Variants in RNF40 observed in about 807,000 individuals in gnomAD.
The protein encoded by RNF40 is E3 ubiquitin-protein ligase BRE1B.
In RNF40, 39 loss-of-function variants were observed where a neutral mutation model predicts 123.3. The observed-to-expected ratio is 0.32, with a 90% CI of 0.24 to 0.41. RNF40 has a LOEUF of 0.41. Ranked by LOEUF, RNF40 falls within the 10% of genes least tolerant of loss-of-function variation. The probability of loss-of-function intolerance (pLI) is 1.00; values close to 1 mark genes in which losing one functional copy is unlikely to be tolerated. For synonymous variants in RNF40, 538 were observed against 526.0 expected, an observed-to-expected ratio of 1.02 and a Z score of -0.31; for missense variants, 1,003 against 1,319.9, an observed-to-expected ratio of 0.76 and a Z score of 3.72.
In RNF40 at chr16:30,772,102, G is replaced by A. The variant is rs1391084928; in HGVS notation, c.2741G>A (p.Arg914Gln). The A allele has an allele frequency of 1.2e-5, 19 of 1,560,482 alleles. No individual in the cohort carries two copies. Among genetic ancestry groups the A allele is most frequent in the Non-Finnish European group, 1.5e-5 (17 of 1,152,196 alleles). ...CTCCTGCCCCAGGAGGACATCTCAC[G>A]GCTGCGGCGCAAGCTGGAAAAGCAG... The part of the protein sequence containing the change: ...NLKRAQEDIS[R>Q]LRRKLEKQRK... The change falls in exon 19 of 20, where the codon CGG (arginine) becomes CAG (glutamine). Residue 914 changes from arginine to glutamine, a missense_variant. Coordinates refer to ENST00000324685, the MANE Select transcript of RNF40 (RefSeq NM_014771.4).
In RNF40 at chr16:30,776,243, C is replaced by T. The variant is rs1348218526; in HGVS notation, c.*2129C>T. ...TCTGCGCTAAAGGCCACCCGGTCTC[C>T]TTATCAGAGGGGCAAAACTCTCCTC... On this transcript the variant is annotated 3_prime_UTR_variant, in exon 20 of 20. Transcript: ENST00000324685. 6.6e-6 allele frequency: 1 copy of T among 152,124 alleles called. No individual in the cohort carries two copies. Among genetic ancestry groups the T allele is most frequent in the Non-Finnish European group, 1.5e-5 (1 of 68,034 alleles). 9.4% of individuals were successfully genotyped at this position (152,124 alleles called of 1,614,324 possible). A position where few individuals can be genotyped will look rare whatever the true frequency, so the allele number is the denominator to read the frequency against.
intron 8 of RNF40, among the ~76,000 whole-genome samples, chr16:30,765,707 A>G (rs1015053172): frequency 6.6e-6 from 1 of 152,248 alleles, no homozygotes; most frequent in African/African-American, 2.4e-5. Context: ...AACAAAATAG[A>G]GGTCAAAACT....
At chr16:30,764,659 G>A (rs1397003943) in intron 5 of RNF40, among the ~76,000 whole-genome samples, 8 of 152,150 alleles carry the variant, frequency 5.3e-5, no homozygotes, top group East Asian at 3.9e-4. Context: ...TGTGGGTTGC[G>A]GATCCACAAG....
At chr16:30,773,886 G>C in intron 19 of RNF40, 52 bp from the exon 20 acceptor site, 1 of 1,565,552 alleles carries the variant, frequency 6.4e-7, no homozygotes, top group Non-Finnish European at 8.7e-7. Context: ...GTCAGCTTGG[G>C]GTCTGGGCAC....
rs897850895 is a variant in RNF40 at position 30,771,845 on chromosome 16, G to T, written c.2599G>T (p.Ala867Ser). ...ELNKRKAVEA[A>S]QLAEDLKVQL... Reference sequence around the variant, plus strand: ...CCACCCTACTCAGGCTGTAGAAGCCGCCCAGCTGGCCGAGGACCTGAAGGT... The same window carrying T: ...CCACCCTACTCAGGCTGTAGAAGCCTCCCAGCTGGCCGAGGACCTGAAGGT... Residue 867 changes from alanine to serine, a missense_variant, in exon 18 of 20, where the codon GCC (alanine) becomes TCC (serine). By Grantham distance (99) the Ala-to-Ser change is moderately conservative. Around this residue, in one of 11 missense-constraint regions of RNF40, gnomAD observed 121 missense variants for 125.3 expected, o/e 0.97. Coordinates refer to ENST00000324685, the MANE Select transcript of RNF40 (RefSeq NM_014771.4). The T allele has an allele frequency of 1.3e-6, 2 of 1,585,094 alleles. No individual in the cohort carries two copies. The highest frequency in any genetic ancestry group is 1.2e-5 in the South Asian group (1 of 86,796).
In RNF40 at chr16:30,768,965, G is replaced by A. The variant is rs758836306; in HGVS notation, c.2225G>A (p.Arg742His). The A allele has an allele frequency of 6.8e-6, 11 of 1,613,852 alleles. No individual in the cohort carries two copies. In the East Asian group the frequency reaches 2.2e-4, roughly 33 times the overall value. The change falls in exon 15 of 20, where the codon CGC becomes CAC. Residue 742 changes from arginine to histidine, a missense_variant. Around this residue, in one of 11 missense-constraint regions of RNF40, gnomAD observed 295 missense variants for 331.7 expected, o/e 0.89. Coordinates refer to ENST00000324685, the MANE Select transcript of RNF40 (RefSeq NM_014771.4). This position sits in a 1 kb window ranked among gnomAD's most constrained non-coding sequence, Gnocchi z 4.1. The stretch of plus-strand genomic sequence containing the variant: ...GAGGAGCAGATAGAACACCTGCAGC[G>A]CAAGCTGGGTGCCACCAAGCAGGTG... Reference protein sequence around the residue: ...QAEEQIEHLQRKLGATKQEEE... With the variant: ...QAEEQIEHLQHKLGATKQEEE...
intron 5 of RNF40, 137 bp downstream of exon 5, chr16:30,764,522 A>G (rs1596745224): frequency 1.3e-6 from 1 of 763,632 alleles, no homozygotes; most frequent in South Asian, 1.8e-5. Context: ...TGTTCTTGGA[A>G]GAGGTAGGTT....
Position 30,766,090 on chromosome 16 carries a change from A to G in RNF40, c.994-73A>G. ...GCACGGGGTGCTTGGGGTGGAGTGT[A>G]TGCTGGGGATGTAAGGGAGGCCTGC... On this transcript the variant is annotated intron_variant, in intron 8 of 19. Transcript: ENST00000324685. This position sits in a 1 kb window ranked among gnomAD's most constrained non-coding sequence, Gnocchi z 5.4. The G allele has an allele frequency of 6.2e-7, 1 of 1,605,386 alleles. No individual in the cohort carries two copies. The highest frequency in any genetic ancestry group is 1.3e-5 in the African/African-American group (1 of 74,904).
intron 11 of RNF40, 26 bp from the exon 12 acceptor site, chr16:30,767,868 A>AGTT: frequency 6.2e-7 from 1 of 1,614,092 alleles, no homozygotes; most frequent in Non-Finnish European, 8.5e-7. Flanking sequence ...TGGTTCTGAC[A>AGTT]CCTTTACTTG....
rs113840433 is a variant in RNF40, at chr16:30,766,942, G to A, written c.1429+66G>A. 6.4e-7 allele frequency: 1 copy of A among 1,573,212 alleles called. No homozygotes were observed. The highest frequency in any genetic ancestry group is 1.2e-5 in the South Asian group (1 of 86,568). On this transcript the variant is annotated intron_variant, in intron 11 of 19. Transcript: ENST00000324685. The surrounding 1 kb of genome is among the most constrained non-coding windows in gnomAD (Gnocchi z 5.4). ...GAGTGCTGGGCCCTGGTGTGGGGCT[G>A]CTGCTTATCCAGATGCAAGAGGCTA...
chr16:30,767,509 A>G (rs1321741585), intron 11 of RNF40, among the ~76,000 whole-genome samples: 2 of 152,040 alleles, frequency 1.3e-5, no homozygotes, highest in Non-Finnish European at 2.9e-5. Flanking sequence ...TAAAAAAAAA[A>G]AAGAAAAAAC....
At chr16:30,770,884 G>C (rs1315775942) in intron 17 of RNF40, among the ~76,000 whole-genome samples, 1 of 151,988 alleles carries the variant, frequency 6.6e-6, no homozygotes, top group African/African-American at 2.4e-5. Flanking sequence ...GCTAATTTTT[G>C]TATTTTTAGT....
rs373643198 is a variant in RNF40, at chr16:30,766,338, T to C, written c.1114-41T>C. 3.2e-5 allele frequency: 52 copies of C among 1,612,602 alleles called. No individual in the cohort carries two copies. The highest frequency in any genetic ancestry group is 4.2e-5 in the Non-Finnish European group (49 of 1,178,964). ...GGCCTGTAAGGGAGGGACTGAGCCC[T>C]GAATCCTGTTGCTGATCCCATTTGG... On this transcript the variant is annotated intron_variant, in intron 9 of 19. Transcript: ENST00000324685. This position sits in a 1 kb window ranked among gnomAD's most constrained non-coding sequence, Gnocchi z 5.4.
rs372843648 is a variant in RNF40 at position 30,765,470 on chromosome 16, G to C, written c.964G>C (p.Gly322Arg). ...ATCTGGGAGCTCCTCAGGCTTCCAG[G>C]GGGGCCAGATCACACTCAGCATGCA... The part of the protein sequence containing the change: ...YVSGSSSGFQ[G>R]GQITLSMQKF... The change falls in exon 8 of 20, where the codon GGG (glycine) becomes CGG (arginine). Residue 322 changes from glycine (G) to arginine (R), a missense_variant. By Grantham distance (125) the Gly-to-Arg change is moderately radical. This residue lies in a region of RNF40 where 274 missense variants were observed against 356.9 expected (regional missense o/e 0.77). Transcript: ENST00000324685. 7.4e-6 allele frequency: 12 copies of C among 1,613,960 alleles called. 1 individual carries two copies. The South Asian group carries it at 8.8e-5, about 12-fold the overall frequency.
chr16:30,771,115 A>C (rs1378789220), intron 17 of RNF40, among the ~76,000 whole-genome samples: 1 of 152,200 alleles, frequency 6.6e-6, no homozygotes, highest in African/African-American at 2.4e-5. Flanking sequence ...CAAAGCTGGA[A>C]CTTCAGGTCT....
Position 30,766,561 on chromosome 16 carries a change from A to T in RNF40, c.1293+3A>T. 6.2e-7 allele frequency: 1 copy of T among 1,606,560 alleles called. No homozygotes were observed. Among genetic ancestry groups the T allele is most frequent in the South Asian group, 1.1e-5 (1 of 90,136 alleles). On this transcript the variant is annotated splice_donor_region_variant and intron_variant, in intron 10 of 19. Transcript: ENST00000324685. The surrounding 1 kb of genome is among the most constrained non-coding windows in gnomAD (Gnocchi z 5.4). ...TGCGACACATCGAGCACATGGAGGT[A>T]TGGCCCTGGAACAGGCGTTAGGGCT...
intron 19 of RNF40, 102 bp downstream of exon 19, chr16:30,772,292 C>A: frequency 1.1e-6 from 1 of 949,404 alleles, no homozygotes; most frequent in Non-Finnish European, 1.7e-6. Flanking sequence ...TAATGTAGGG[C>A]AGCAGAAAGT....
rs747877338 is a variant in RNF40 at position 30,765,019 on chromosome 16, C to T, written c.731C>T (p.Ala244Val). Residue 244 changes from alanine to valine, a missense_variant, in exon 6 of 20, where the codon GCC becomes GTC. Coordinates refer to ENST00000324685, the MANE Select transcript of RNF40 (RefSeq NM_014771.4). ...GAGAACCGGCGACTGCAGGACTTGG[C>T]CACTCAGCTGCAGGAGAAACACCAC... ...GRENRRLQDL[A>V]TQLQEKHHRI... 7 of 1,613,886 alleles carry T rather than the reference C, an allele frequency of 4.3e-6. No homozygotes were observed. In the East Asian group the frequency reaches 1.1e-4, roughly 26 times the overall value.
At chr16:30,769,660 G>C (rs976832460) in intron 17 of RNF40, 60 bp downstream of exon 17, 2 of 1,467,338 alleles carry the variant, frequency 1.4e-6, no homozygotes, top group African/African-American at 2.8e-5. Context: ...TCACCTTCCG[G>C]TTCTGCTCAG....
Sources: allele counts gnomAD v4.1 joint callset (sites outside exome capture counted in the v4.1 genomes callset), GRCh38; gene constraint gnomAD v4.1.1; regional missense constraint gnomAD v4.1.1; non-coding constraint Gnocchi (gnomAD v3.1); transcripts MANE v1.5; gene names NCBI Gene and HGNC (gene_info 2026-07-23, HGNC 2026-07-21).